Variants in OR8U3 observed in about 807,000 individuals in gnomAD.
OR8U3 encodes the protein olfactory receptor family 8 subfamily U member 3, also known as olfactory receptor 8U3.
For missense variants in OR8U3, 429 were observed against 388.6 expected, an observed-to-expected ratio of 1.10 and a Z score of -0.88; for synonymous variants, 170 against 147.0, an observed-to-expected ratio of 1.16 and a Z score of -1.13.
Position 56,417,724 on chromosome 11 carries a change from C to T in OR8U3, c.509G>A (p.Gly170Asp). ...ATAGAAATGGTTAATTAAGTTTGGG[C>T]CACAGTAAGTCAGACGGAAAGTGAT... is the stretch of plus-strand genomic sequence containing the variant. ...TVITFRLTYCGPNLINHFYCD... is the reference protein window; with the variant it reads ...TVITFRLTYCDPNLINHFYCD... The change falls in exon 1 of 1, where the codon GGC (glycine) becomes GAC (aspartate). Residue 170 changes from glycine to aspartate, a missense_variant. Physicochemically the swap from Gly to Asp is moderately conservative, Grantham distance 94 (BLOSUM62 -1). Coordinates refer to ENST00000623286, the MANE Select transcript of OR8U3 (RefSeq NM_001004744.1). 1.2e-6 allele frequency: 2 copies of T among 1,613,924 alleles called. No individual in the cohort carries two copies. The highest frequency in any genetic ancestry group is 8.5e-7 in the Non-Finnish European group (1 of 1,179,924).
chr11:56,417,961 G>T lies in OR8U3; in HGVS notation c.272C>A (p.Thr91Asn), dbSNP rs760514914. The change falls in exon 1 of 1, where the codon ACC (threonine) becomes AAC (asparagine). Residue 91 changes from threonine to asparagine, a missense_variant. Coordinates refer to ENST00000623286, the MANE Select transcript of OR8U3 (RefSeq NM_001004744.1). ...MMVNFVVERNTIPFHACATQL... is the reference protein window; with the variant it reads ...MMVNFVVERNNIPFHACATQL... ...GGTTGCACAAGCATGGAAAGGAATG[G>T]TGTTGCGTTCCACAACAAAATTCAC... 3 of 1,613,782 alleles carry T rather than the reference G, an allele frequency of 1.9e-6. No homozygotes were observed. Among genetic ancestry groups the T allele is most frequent in the East Asian group, 4.5e-5 (2 of 44,848 alleles).
In OR8U3 at chr11:56,417,274, A is replaced by G. The variant is rs376283268; in HGVS notation, c.959T>C (p.Ile320Thr). Residue 320 changes from isoleucine (I) to threonine (T), a missense_variant, in exon 1 of 1, where the codon ATA becomes ACA. Ile to Thr is a moderately conservative substitution (Grantham distance 89). Coordinates refer to ENST00000623286, the MANE Select transcript of OR8U3 (RefSeq NM_001004744.1). ...CCTGCTTGTTTAATAAAGTTTTCTT[A>G]TTTTTAAAAATGTTAATATCTGTAA... ...ENLQILTFLK[I>T]RKLY 3.2e-5 allele frequency: 44 copies of G among 1,374,434 alleles called. No homozygotes were observed. The African/African-American group carries it at 5.7e-4, about 18-fold the overall frequency. 85.1% of individuals were successfully genotyped at this position (1,374,434 alleles called of 1,614,324 possible). A position where few individuals can be genotyped will look rare whatever the true frequency, so the allele number is the denominator to read the frequency against.
chr11:56,417,617 C>G lies in OR8U3; in HGVS notation c.616G>C (p.Asp206His). The change falls in exon 1 of 1, where the codon GAT (aspartate) becomes CAT (histidine). Residue 206 changes from aspartate (D) to histidine (H), a missense_variant. Coordinates refer to ENST00000623286, the MANE Select transcript of OR8U3 (RefSeq NM_001004744.1). The part of the protein sequence containing the change: ...EILIFAFAGF[D>H]MISSSSIVLT... ...ACAATGGAAGAGGAAGAGATCATAT[C>G]AAAGCCAGCAAAGGCAAATATCAGA... 1 of 1,613,970 alleles carries G rather than the reference C, an allele frequency of 6.2e-7. No homozygotes were observed. Among genetic ancestry groups the G allele is most frequent in the Non-Finnish European group, 8.5e-7 (1 of 1,179,966 alleles).
Position 56,417,433 on chromosome 11 carries a change from G to C in OR8U3, c.800C>G (p.Ser267Cys). The C allele has an allele frequency of 6.2e-7, 1 of 1,613,258 alleles. No homozygotes were observed. Among genetic ancestry groups the C allele is most frequent in the Non-Finnish European group, 8.5e-7 (1 of 1,179,258 alleles). ...FMYLQPKSNH[S>C]LDTDKMASVF... is the part of the protein sequence containing the mutation. ...AGAAGCCATCTTGTCTGTGTCCAAGGAGTGATTTGATTTGGGCTGTAGGTA... is the reference window on the plus strand; with the variant it reads ...AGAAGCCATCTTGTCTGTGTCCAAGCAGTGATTTGATTTGGGCTGTAGGTA... Residue 267 changes from serine to cysteine, a missense_variant, in exon 1 of 1, where the codon TCC becomes TGC. By Grantham distance (112) the Ser-to-Cys change is moderately radical (BLOSUM62 -1). Transcript: ENST00000623286.
rs1853173036 is a variant in OR8U3 at position 56,417,613 on chromosome 11, A to G, written c.620T>C (p.Met207Thr). Residue 207 changes from methionine to threonine, a missense_variant, in exon 1 of 1, where the codon ATG becomes ACG. By Grantham distance (81) the Met-to-Thr change is moderately conservative (BLOSUM62 -1). Coordinates refer to ENST00000623286, the MANE Select transcript of OR8U3 (RefSeq NM_001004744.1). ...ILIFAFAGFD[M>T]ISSSSIVLTS... ...GAGGACAATGGAAGAGGAAGAGATC[A>G]TATCAAAGCCAGCAAAGGCAAATAT... is the stretch of plus-strand genomic sequence containing the variant. The G allele has an allele frequency of 6.2e-7, 1 of 1,614,086 alleles. No homozygotes were observed. The highest frequency in any genetic ancestry group is 1.1e-5 in the South Asian group (1 of 91,088).
In OR8U3 at chr11:56,418,011, G is replaced by C. The variant is rs1462325003; in HGVS notation, c.222C>G (p.Ser74=). 2 of 1,613,844 alleles carry C rather than the reference G, an allele frequency of 1.2e-6. No homozygotes were observed. The highest frequency in any genetic ancestry group is 1.3e-5 in the African/African-American group (1 of 74,996). The change falls in exon 1 of 1, where the codon TCC becomes TCG. Residue 74 remains serine, a synonymous_variant. Transcript: ENST00000623286. ...SHLAFVDLCY[S]SAITPKMMVN... ...CCATCATCTTCGGTGTAATAGCAGA[G>C]GAGTAACAAAGGTCAACAAAGGCCA...
In OR8U3 at chr11:56,417,639, C is replaced by G; in HGVS notation, c.594G>C (p.Leu198=). The change falls in exon 1 of 1, where the codon CTG becomes CTC. Residue 198 remains leucine, a synonymous_variant. Coordinates refer to ENST00000623286, the MANE Select transcript of OR8U3 (RefSeq NM_001004744.1). ...SCSDTHMKEI[L]IFAFAGFDMI... ...TATCAAAGCCAGCAAAGGCAAATATCAGAATTTCCTTCATGTGTGTGTCTG... is the reference window on the plus strand; with the variant it reads ...TATCAAAGCCAGCAAAGGCAAATATGAGAATTTCCTTCATGTGTGTGTCTG... The G allele has an allele frequency of 5.6e-6, 9 of 1,613,962 alleles. No homozygotes were observed. The highest frequency in any genetic ancestry group is 6.8e-6 in the Non-Finnish European group (8 of 1,179,944).
rs769113269 is a variant in OR8U3 at position 56,417,654 on chromosome 11, G to A, written c.579C>T (p.His193=). The part of the protein sequence containing the change: ...PFLALSCSDT[H]MKEILIFAFA... ...AGGCAAATATCAGAATTTCCTTCATGTGTGTGTCTGAGCAGGACAGAGCTA... is the reference window on the plus strand; with the variant it reads ...AGGCAAATATCAGAATTTCCTTCATATGTGTGTCTGAGCAGGACAGAGCTA... The change falls in exon 1 of 1, where the codon CAC becomes CAT. Residue 193 remains histidine, a synonymous_variant. Coordinates refer to ENST00000623286, the MANE Select transcript of OR8U3 (RefSeq NM_001004744.1). 1.9e-6 allele frequency: 3 copies of A among 1,613,958 alleles called. No homozygotes were observed. Among genetic ancestry groups the A allele is most frequent in the Middle Eastern group, 1.7e-4 (1 of 6,060 alleles).
Position 56,417,623 on chromosome 11 carries a change from C to A in OR8U3, c.610G>T (p.Gly204Cys). The A allele has an allele frequency of 3.1e-6, 5 of 1,613,942 alleles. No homozygotes were observed. The highest frequency in any genetic ancestry group is 2.5e-6 in the Non-Finnish European group (3 of 1,179,940). ...MKEILIFAFAGFDMISSSSIV... is the reference protein window; with the variant it reads ...MKEILIFAFACFDMISSSSIV... The stretch of plus-strand genomic sequence containing the variant: ...GAAGAGGAAGAGATCATATCAAAGC[C>A]AGCAAAGGCAAATATCAGAATTTCC... Residue 204 changes from glycine to cysteine, a missense_variant, in exon 1 of 1, where the codon GGC (glycine) becomes TGC (cysteine). Gly to Cys is a radical substitution (Grantham distance 159). Transcript: ENST00000623286.
chr11:56,417,544 G>C lies in OR8U3; in HGVS notation c.689C>G (p.Ser230Cys), dbSNP rs186508478. The C allele has an allele frequency of 9.3e-6, 15 of 1,613,864 alleles. No homozygotes were observed. The East Asian group carries it at 2.9e-4, about 31-fold the overall frequency. Reference sequence around the variant, plus strand: ...AATGGCTTTGTGTTGCCCCTGAGTAGAGCGGATCCTTAGGATAGCGGCAAT... The same window carrying C: ...AATGGCTTTGTGTTGCCCCTGAGTACAGCGGATCCTTAGGATAGCGGCAAT... ...FIIAAILRIRSTQGQHKAIST... is the reference protein window; with the variant it reads ...FIIAAILRIRCTQGQHKAIST... Residue 230 changes from serine (S) to cysteine (C), a missense_variant, in exon 1 of 1, where the codon TCT (serine) becomes TGT (cysteine). Physicochemically the swap from Ser to Cys is moderately radical, Grantham distance 112. Coordinates refer to ENST00000623286, the MANE Select transcript of OR8U3 (RefSeq NM_001004744.1).
Position 56,417,801 on chromosome 11 carries a change from CA to C in OR8U3, c.431del (p.Leu144ArgfsTer23), listed in dbSNP as rs1253189160. ...TLMSRRVCIQ[L>X]VAVPYIYSFL... ...AGCTGTATATATATGGAACTGCCACCAGTTGAATGCAGACTCTTCTTGACAT... is the reference window on the plus strand; with the variant it reads ...AGCTGTATATATATGGAACTGCCACCGTTGAATGCAGACTCTTCTTGACAT... On this transcript the variant is annotated frameshift_variant, in exon 1 of 1. Transcript: ENST00000623286. LOFTEE classifies it low-confidence loss of function (END_TRUNC). 6 of 1,613,668 alleles carry C rather than the reference CA, an allele frequency of 3.7e-6. No individual in the cohort carries two copies. The highest frequency in any genetic ancestry group is 5.1e-6 in the Non-Finnish European group (6 of 1,179,800).
In OR8U3 at chr11:56,417,964, T is replaced by C. The variant is rs1215840854; in HGVS notation, c.269A>G (p.Asn90Ser). 1.9e-6 allele frequency: 3 copies of C among 1,613,796 alleles called. No homozygotes were observed. In the Admixed American group the frequency reaches 5.0e-5, roughly 27 times the overall value. The stretch of plus-strand genomic sequence containing the variant: ...TGCACAAGCATGGAAAGGAATGGTG[T>C]TGCGTTCCACAACAAAATTCACCAT... ...KMMVNFVVER[N>S]TIPFHACATQ... Residue 90 changes from asparagine to serine, a missense_variant, in exon 1 of 1, where the codon AAC (asparagine) becomes AGC (serine). Coordinates refer to ENST00000623286, the MANE Select transcript of OR8U3 (RefSeq NM_001004744.1).
Position 56,417,309 on chromosome 11 carries a change from A to G in OR8U3, c.924T>C (p.Gly308=). The G allele has an allele frequency of 2.6e-6, 4 of 1,550,390 alleles. No homozygotes were observed. The highest frequency in any genetic ancestry group is 2.6e-6 in the Non-Finnish European group (3 of 1,135,276). The change falls in exon 1 of 1, where the codon GGT becomes GGC. Residue 308 remains glycine (G), a synonymous_variant. Coordinates refer to ENST00000623286, the MANE Select transcript of OR8U3 (RefSeq NM_001004744.1). ...KDASKKALDK[G]CENLQILTFL... ...ATGTTAATATCTGTAAGTTTTCACA[A>G]CCTTTATCCAAGGCTTTCTTTGAGG...
chr11:56,417,603 G>A lies in OR8U3; in HGVS notation c.630C>T (p.Ser210=). The change falls in exon 1 of 1, where the codon TCC becomes TCT. Residue 210 remains serine (S), a synonymous_variant. Coordinates refer to ENST00000623286, the MANE Select transcript of OR8U3 (RefSeq NM_001004744.1). The part of the protein sequence containing the change: ...FAFAGFDMIS[S]SSIVLTSYIF... ...TGTAGGAGGTGAGGACAATGGAAGAGGAAGAGATCATATCAAAGCCAGCAA... is the reference window on the plus strand; with the variant it reads ...TGTAGGAGGTGAGGACAATGGAAGAAGAAGAGATCATATCAAAGCCAGCAA... 1 of 1,613,962 alleles carries A rather than the reference G, an allele frequency of 6.2e-7. No individual in the cohort carries two copies. Among genetic ancestry groups the A allele is most frequent in the Non-Finnish European group, 8.5e-7 (1 of 1,179,916 alleles).
Position 56,418,197 on chromosome 11 carries a change from G to A in OR8U3, c.36C>T (p.Phe12=), listed in dbSNP as rs868535867. The part of the protein sequence containing the change: ...AEVNIIYVTV[F]ILKGITNRPE... Reference sequence around the variant, plus strand: ...GCCGGTTGGTAATTCCTTTCAGAATGAATACAGTGACATAAATGATATTAA... The same window carrying A: ...GCCGGTTGGTAATTCCTTTCAGAATAAATACAGTGACATAAATGATATTAA... Residue 12 remains phenylalanine (F), a synonymous_variant, in exon 1 of 1, where the codon TTC becomes TTT. Transcript: ENST00000623286. 1 of 1,606,678 alleles carries A rather than the reference G, an allele frequency of 6.2e-7. No homozygotes were observed. Among genetic ancestry groups the A allele is most frequent in the Admixed American group, 1.7e-5 (1 of 58,426 alleles).
Position 56,417,813 on chromosome 11 carries a change from G to A in OR8U3, c.420C>T (p.Val140=), listed in dbSNP as rs1565136167. The A allele has an allele frequency of 6.2e-7, 1 of 1,613,862 alleles. No homozygotes were observed. The highest frequency in any genetic ancestry group is 2.2e-5 in the East Asian group (1 of 44,876). The change falls in exon 1 of 1, where the codon GTC becomes GTT. Residue 140 remains valine (V), a synonymous_variant. Transcript: ENST00000623286. ...ATGGAACTGCCACCAGTTGAATGCA[G>A]ACTCTTCTTGACATCAGTGTTGAAT... is the stretch of plus-strand genomic sequence containing the variant. ...LHYSTLMSRR[V]CIQLVAVPYI... is the part of the protein sequence containing the mutation.
Position 56,417,650 on chromosome 11 carries a change from T to C in OR8U3, c.583A>G (p.Lys195Glu), listed in dbSNP as rs1217892682. The C allele has an allele frequency of 6.2e-7, 1 of 1,613,882 alleles. No individual in the cohort carries two copies. The highest frequency in any genetic ancestry group is 8.5e-7 in the Non-Finnish European group (1 of 1,179,968). The change falls in exon 1 of 1, where the codon AAG (lysine) becomes GAG (glutamate). Residue 195 changes from lysine (K) to glutamate (E), a missense_variant. Transcript: ENST00000623286. ...GCAAAGGCAAATATCAGAATTTCCT[T>C]CATGTGTGTGTCTGAGCAGGACAGA... ...LALSCSDTHM[K>E]EILIFAFAGF...
chr11:56,417,404 A>G lies in OR8U3; in HGVS notation c.829T>C (p.Phe277Leu), dbSNP rs1590882104. The change falls in exon 1 of 1, where the codon TTT becomes CTT. Residue 277 changes from phenylalanine to leucine, a missense_variant. By Grantham distance (22) the Phe-to-Leu change is conservative (BLOSUM62 0). Coordinates refer to ENST00000623286, the MANE Select transcript of OR8U3 (RefSeq NM_001004744.1). ...AACATGGGGATCACCACTGTGTAAA[A>G]TACAGAAGCCATCTTGTCTGTGTCC... ...SLDTDKMASV[F>L]YTVVIPMLNP... is the part of the protein sequence containing the mutation. 6.2e-7 allele frequency: 1 copy of G among 1,613,618 alleles called. No individual in the cohort carries two copies.
rs145894857 is a variant in OR8U3, at chr11:56,418,192, A to G, written c.41T>C (p.Leu14Pro). Residue 14 changes from leucine (L) to proline (P), a missense_variant, in exon 1 of 1, where the codon CTG becomes CCG. Physicochemically the swap from Leu to Pro is moderately conservative, Grantham distance 98. Coordinates refer to ENST00000623286, the MANE Select transcript of OR8U3 (RefSeq NM_001004744.1). Reference sequence around the variant, plus strand: ...CTCTGGCCGGTTGGTAATTCCTTTCAGAATGAATACAGTGACATAAATGAT... The same window carrying G: ...CTCTGGCCGGTTGGTAATTCCTTTCGGAATGAATACAGTGACATAAATGAT... ...VNIIYVTVFI[L>P]KGITNRPELQ... is the part of the protein sequence containing the mutation. 4.8e-5 allele frequency: 78 copies of G among 1,610,438 alleles called. No individual in the cohort carries two copies. The highest frequency in any genetic ancestry group is 6.5e-5 in the Non-Finnish European group (77 of 1,178,286).
Sources: gnomAD v4.1 joint callset for allele counts on GRCh38, gnomAD v4.1.1 for gene constraint, MANE v1.5 for transcripts, NCBI Gene and HGNC (gene_info 2026-07-23, HGNC 2026-07-21) for gene names.